Variants in NIBAN3 observed in about 807,000 individuals in gnomAD.
NIBAN3 encodes the protein protein Niban 3.
In NIBAN3, 66 loss-of-function variants were observed where a neutral mutation model predicts 76.4. The ratio of observed to expected loss-of-function variants is 0.86; its 90% CI spans 0.71 to 1.06. The LOEUF (loss-of-function observed/expected upper bound fraction) is 1.06. Among genes scored for constraint, NIBAN3 ranks in the 50% least tolerant of loss-of-function variants. The pLI is 0.00. For missense variants in NIBAN3, 808 were observed against 810.7 expected (o/e 1.00, Z 0.04); for synonymous variants, 360 against 355.2 (o/e 1.01, Z -0.15).
At position 17,553,100 on chromosome 19, in the gene NIBAN3, A is replaced by T; in HGVS notation, c.*1202A>T. On this transcript the variant is annotated 3_prime_UTR_variant, in exon 15 of 15. Coordinates refer to ENST00000599164, the MANE Select transcript of NIBAN3 (RefSeq NM_001321827.2). ...CAAAAAACAAAATCCAAATATGTTG[A>T]TTAGCCATTTACATGTTTGTAGTTT... 1.5e-6 allele frequency: 1 copy of T among 664,870 alleles called. No homozygotes were observed. The highest frequency in any genetic ancestry group is 2.3e-6 in the Non-Finnish European group (1 of 435,818). The allele number at this position is 664,870 out of a possible 1,614,324, so 41.2% of individuals were successfully genotyped here. A position where few individuals can be genotyped will look rare whatever the true frequency, so the allele number is the denominator to read the frequency against.
chr19:17,542,062 T>C lies in NIBAN3; in HGVS notation c.1171-74T>C, dbSNP rs1032782047. 2 of 1,542,986 alleles carry C rather than the reference T, an allele frequency of 1.3e-6. No homozygotes were observed. The highest frequency in any genetic ancestry group is 1.7e-5 in the Admixed American group (1 of 58,072). On this transcript the variant is annotated intron_variant, in intron 9 of 14. Coordinates refer to ENST00000599164, the MANE Select transcript of NIBAN3 (RefSeq NM_001321827.2). The surrounding 1 kb of genome is among the most constrained non-coding windows in gnomAD (Gnocchi z 4.8). ...TCATTTGTGTTTCTCCTTTGGTGAATTGGTAATGGGGTCCCTGGCCCTTTG... is the reference window on the plus strand; with the variant it reads ...TCATTTGTGTTTCTCCTTTGGTGAACTGGTAATGGGGTCCCTGGCCCTTTG...
downstream of NIBAN3, among the ~76,000 whole-genome samples, chr19:17,554,779 CAAAAAAAAAA>C (rs66782675): frequency 1.7e-5 from 2 of 118,290 alleles, no homozygotes; most frequent in South Asian, 5.7e-4. Context: ...GACGCTGTCT[CAAAAAAAAAA>C]AAAAAGAAAA....
intron 12 of NIBAN3, 127 bp downstream of exon 12, chr19:17,543,758 C>A: frequency 1.4e-6 from 1 of 711,864 alleles, no homozygotes; most frequent in Non-Finnish European, 2.3e-6. Context: ...TTTGGGAGGC[C>A]AAGGCAGGCA....
rs1180491573 is a variant in NIBAN3, at chr19:17,540,407, C to T, written c.995C>T (p.Pro332Leu). The change falls in exon 9 of 15, where the codon CCG becomes CTG. Residue 332 changes from proline to leucine, a missense_variant. Coordinates refer to ENST00000599164, the MANE Select transcript of NIBAN3 (RefSeq NM_001321827.2). The stretch of plus-strand genomic sequence containing the variant: ...CCACTCCCAGCGGATATCAGGGGAC[C>T]GCTCGAGTCGTGCCTGCGCCGGGAG... ...AGRLRTDIRGPLESCLRREVD... is the reference protein window; with the variant it reads ...AGRLRTDIRGLLESCLRREVD... The T allele has an allele frequency of 6.7e-7, 1 of 1,503,472 alleles. No homozygotes were observed. Among genetic ancestry groups the T allele is most frequent in the Non-Finnish European group, 8.9e-7 (1 of 1,122,738 alleles). 93.1% of individuals were successfully genotyped at this position (1,503,472 alleles called of 1,614,324 possible).
chr19:17,529,057 C>T (rs1039039299), intron 1 of NIBAN3, among the ~76,000 whole-genome samples: 5 of 152,166 alleles, frequency 3.3e-5, no homozygotes, highest in Non-Finnish European at 7.3e-5. Context: ...GTGCTAAGGC[C>T]AGTGATGTAT....
chr19:17,526,439 T>C (rs970533309), upstream of NIBAN3, among the ~76,000 whole-genome samples: 2 of 151,814 alleles, frequency 1.3e-5, no homozygotes, highest in African/African-American at 4.8e-5. Context: ...GTCCAGAAGT[T>C]TGAGACCAGC....
In NIBAN3 at chr19:17,542,642, A is replaced by G. The variant is rs1409373364; in HGVS notation, c.1329+348A>G. 6.6e-6 allele frequency among the ~76,000 whole-genome samples: 1 copy of G among 152,066 alleles called. No homozygotes were observed. Among genetic ancestry groups the G allele is most frequent in the Non-Finnish European group, 1.5e-5 (1 of 68,022 alleles). On this transcript the variant is annotated intron_variant, in intron 10 of 14. Transcript: ENST00000599164. This position sits in a 1 kb window ranked among gnomAD's most constrained non-coding sequence, Gnocchi z 4.8. ...GTCTGCATTTGGGGAACGTGGAGCAATTTTTCAGAAATGGGGAAGATAGGC... is the reference window on the plus strand; with the variant it reads ...GTCTGCATTTGGGGAACGTGGAGCAGTTTTTCAGAAATGGGGAAGATAGGC...
chr19:17,553,537 A>G lies in NIBAN3; in HGVS notation c.*1639A>G. On this transcript the variant is annotated 3_prime_UTR_variant, in exon 15 of 15. Coordinates refer to ENST00000599164, the MANE Select transcript of NIBAN3 (RefSeq NM_001321827.2). ...GACCGTTTCCTCCCATTCTGTCTGGAGTTTTCGGCCTACCCCAAGACAATG... is the reference window on the plus strand; with the variant it reads ...GACCGTTTCCTCCCATTCTGTCTGGGGTTTTCGGCCTACCCCAAGACAATG... 1.9e-6 allele frequency: 3 copies of G among 1,614,096 alleles called. No individual in the cohort carries two copies. The East Asian group carries it at 6.7e-5, about 36-fold the overall frequency.
chr19:17,526,095 C>T (rs1434784530), upstream of NIBAN3, among the ~76,000 whole-genome samples: 2 of 151,228 alleles, frequency 1.3e-5, no homozygotes, highest in African/African-American at 4.9e-5. Flanking sequence ...GGGTGGATCA[C>T]GAGGTCAGGA....
upstream of NIBAN3, among the ~76,000 whole-genome samples, chr19:17,524,434 C>G (rs1182126751): frequency 7.3e-6 from 1 of 137,666 alleles, no homozygotes; most frequent in African/African-American, 3.0e-5. Flanking sequence ...TACAGGCGCC[C>G]ACCACAACGC....
intron 13 of NIBAN3, 133 bp from the exon 14 acceptor site, chr19:17,549,311 G>A: frequency 2.9e-6 from 2 of 692,850 alleles, no homozygotes; most frequent in Non-Finnish European, 5.1e-6. Context: ...GTGCGGGCTT[G>A]GAGAGAGGCT....
chr19:17,551,998 GCAACTT>G lies in NIBAN3; in HGVS notation c.*103_*108del. 1 of 591,554 alleles carries G rather than the reference GCAACTT, an allele frequency of 1.7e-6. No homozygotes were observed. Among genetic ancestry groups the G allele is most frequent in the South Asian group, 2.0e-5 (1 of 49,720 alleles). 36.6% of individuals were successfully genotyped at this position (591,554 alleles called of 1,614,324 possible). ...CCATCTTTAGGCTTTTGTAACCCCT[GCAACTT>G]CAGAAAACTGTACCATTTTATACTC... On this transcript the variant is annotated 3_prime_UTR_variant, in exon 15 of 15. Transcript: ENST00000599164.
Position 17,542,016 on chromosome 19 carries a change from C to T in NIBAN3, c.1171-120C>T. ...ATTGTATTATGAGTTTCTTTGGTGA[C>T]AGCTGAGACGGGATGTATTTTCATT... On this transcript the variant is annotated intron_variant, in intron 9 of 14. Coordinates refer to ENST00000599164, the MANE Select transcript of NIBAN3 (RefSeq NM_001321827.2). This position sits in a 1 kb window ranked among gnomAD's most constrained non-coding sequence, Gnocchi z 4.8. 1 of 1,235,684 alleles carries T rather than the reference C, an allele frequency of 8.1e-7. No individual in the cohort carries two copies. The highest frequency in any genetic ancestry group is 1.3e-5 in the South Asian group (1 of 77,076). 76.5% of individuals were successfully genotyped at this position (1,235,684 alleles called of 1,614,324 possible). A position where few individuals can be genotyped will look rare whatever the true frequency, so the allele number is the denominator to read the frequency against.
intron 1 of NIBAN3, among the ~76,000 whole-genome samples, chr19:17,528,542 T>A (rs1297220840): frequency 3.3e-5 from 5 of 152,128 alleles, no homozygotes; most frequent in Admixed American, 3.3e-4. Flanking sequence ...AGCAGGCCCC[T>A]CGGTAGGACC....
chr19:17,533,367 G>A (rs1392711277), intron 3 of NIBAN3: 11 of 460,216 alleles, frequency 2.4e-5, no homozygotes, highest in South Asian at 1.7e-4. Flanking sequence ...CTGAGATCGC[G>A]CCATCGCACT....
chr19:17,555,529 A>C, downstream of NIBAN3: 21 of 426,200 alleles, frequency 4.9e-5, no homozygotes, highest in East Asian at 7.7e-5. Context: ...CGTCCTGGGT[A>C]GGGCTGCAGG....
upstream of NIBAN3, among the ~76,000 whole-genome samples, chr19:17,524,406 C>T (rs2004449): frequency 0.073 from 11,115 of 151,976 alleles, 580 homozygotes; most frequent in Middle Eastern, 0.13. Context: ...CTGACTCAGC[C>T]TCCTGAGTAG....
rs562582690 is a variant in NIBAN3 at position 17,538,182 on chromosome 19, C to T, written c.595+639C>T. 3.1e-3 allele frequency among the ~76,000 whole-genome samples: 476 copies of T among 151,924 alleles called. 1 individual carries two copies. Among genetic ancestry groups the T allele is most frequent in the African/African-American group, 0.011 (464 of 41,406 alleles). Reference sequence around the variant, plus strand: ...CTGTAATCCCAGCACTTTGGGAGGCCGAGGCGGGAGGATCACGAGGTCAGG... The same window carrying T: ...CTGTAATCCCAGCACTTTGGGAGGCTGAGGCGGGAGGATCACGAGGTCAGG... On this transcript the variant is annotated intron_variant, in intron 5 of 14. Transcript: ENST00000599164.
chr19:17,527,001 T>G (rs999633365), upstream of NIBAN3, among the ~76,000 whole-genome samples: 1 of 151,810 alleles, frequency 6.6e-6, no homozygotes, highest in African/African-American at 2.4e-5. Context: ...TCCCTGCCCA[T>G]CCCCCTGTTC....
Sources: allele counts gnomAD v4.1 joint callset (sites outside exome capture counted in the v4.1 genomes callset), GRCh38; gene constraint gnomAD v4.1.1; non-coding constraint Gnocchi (gnomAD v3.1); transcripts MANE v1.5; gene names NCBI Gene and HGNC (gene_info 2026-07-23, HGNC 2026-07-21).